Variants in AGBL1 observed in about 807,000 individuals in gnomAD.
AGBL1 encodes cytosolic carboxypeptidase 4.
Under a neutral mutation model 118.9 loss-of-function variants are expected in AGBL1, and 130 were observed. The observed-to-expected ratio is 1.09, with a 90% CI of 0.95 to 1.26. The LOEUF is 1.26. Among genes scored for constraint, AGBL1 ranks in the 50% most tolerant of loss-of-function variants. The pLI, the probability that AGBL1 is intolerant of heterozygous loss-of-function variation, is 0.00. For missense variants in AGBL1, 1,584 were observed against 1,298.1 expected (o/e 1.22, Z -3.38); for synonymous variants, 555 against 478.9 (o/e 1.16, Z -2.08).
At chr15:86,834,868 G>A (rs1402894374) in intron 22 of AGBL1, among the ~76,000 whole-genome samples, 1 of 152,094 alleles carries the variant, frequency 6.6e-6, no homozygotes, top group East Asian at 1.9e-4. Flanking sequence ...AATTTCCTTT[G>A]GGGAAAACCT....
chr15:86,688,547 G>C (rs1368398387), intron 22 of AGBL1, among the ~76,000 whole-genome samples: 1 of 152,088 alleles, frequency 6.6e-6, no homozygotes, highest in Non-Finnish European at 1.5e-5. Context: ...CCGAATATAC[G>C]CAAGTGAGTG....
At chr15:86,276,720 A>G (rs1419156572) in intron 15 of AGBL1, among the ~76,000 whole-genome samples, 3 of 152,116 alleles carry the variant, frequency 2.0e-5, no homozygotes, top group Non-Finnish European at 2.9e-5. Context: ...AATAAGGAAG[A>G]TGGAAAGGGC....
chr15:86,485,535 T>TA (rs1357968174), intron 18 of AGBL1, among the ~76,000 whole-genome samples: 2 of 151,994 alleles, frequency 1.3e-5, no homozygotes, highest in Non-Finnish European at 2.9e-5. Flanking sequence ...AGACAATAAC[T>TA]AAAAAAATGG....
At chr15:86,803,746 T>C (rs137953985) in intron 22 of AGBL1, among the ~76,000 whole-genome samples, 7 of 152,252 alleles carry the variant, frequency 4.6e-5, no homozygotes, top group African/African-American at 1.7e-4. Flanking sequence ...AGTGCAGTGG[T>C]CCTCAACCAG....
chr15:86,321,645 C>T (rs1343035426), intron 17 of AGBL1, among the ~76,000 whole-genome samples: 3 of 151,700 alleles, frequency 2.0e-5, no homozygotes, highest in African/African-American at 7.3e-5. Context: ...AGCATGGTGG[C>T]GGATGCCTGT....
intron 19 of AGBL1, among the ~76,000 whole-genome samples, chr15:86,534,278 A>G (rs115121192): frequency 0.023 from 3,448 of 152,278 alleles, 68 homozygotes; most frequent in Middle Eastern, 0.085. Context: ...TGAAGGGTTG[A>G]GTCATTTTCT....
intron 21 of AGBL1, among the ~76,000 whole-genome samples, chr15:86,660,863 C>T (rs1237908283): frequency 6.6e-6 from 1 of 152,088 alleles, no homozygotes; most frequent in East Asian, 1.9e-4. Flanking sequence ...GTCTCTCCTT[C>T]TCCAAAGTAT....
At chr15:86,277,069 G>C (rs1336185333) in intron 15 of AGBL1, among the ~76,000 whole-genome samples, 2 of 152,086 alleles carry the variant, frequency 1.3e-5, no homozygotes, top group African/African-American at 2.4e-5. Context: ...GGTTCAGCCA[G>C]AGTTTAGACC....
intron 6 of AGBL1, among the ~76,000 whole-genome samples, chr15:86,242,005 C>A (rs1399661897): frequency 6.6e-6 from 1 of 152,116 alleles, no homozygotes; most frequent in African/African-American, 2.4e-5. Context: ...CCATGCTGTT[C>A]TTATGATAGT....
At chr15:86,826,039 A>G (rs960720752) in intron 22 of AGBL1, among the ~76,000 whole-genome samples, 13 of 151,748 alleles carry the variant, frequency 8.6e-5, no homozygotes, top group African/African-American at 3.1e-4. Flanking sequence ...CTTCTTGCAA[A>G]AAAAAAATAT....
intron 22 of AGBL1, among the ~76,000 whole-genome samples, chr15:86,773,992 G>A (rs188103718): frequency 2.2e-4 from 33 of 152,134 alleles, no homozygotes; most frequent in East Asian, 1.9e-3. Context: ...TGTGGGTGTC[G>A]GCAAGCCCCA....
chr15:87,018,554 CA>C (rs2081630774), intron 24 of AGBL1, among the ~76,000 whole-genome samples: 1 of 152,090 alleles, frequency 6.6e-6, no homozygotes, highest in Non-Finnish European at 1.5e-5. Flanking sequence ...TTTGGACAAG[CA>C]AATGCTGGAG....
chr15:87,000,269 TG>T (rs1219215085), intron 24 of AGBL1, among the ~76,000 whole-genome samples: 1 of 70,090 alleles, frequency 1.4e-5, no homozygotes, highest in Non-Finnish European at 3.5e-5. Flanking sequence ...TGGTTGCCAT[TG>T]CTTTTGGTGT....
chr15:86,322,382 G>A (rs904544680), intron 17 of AGBL1, among the ~76,000 whole-genome samples: 1 of 151,808 alleles, frequency 6.6e-6, no homozygotes, highest in Non-Finnish European at 1.5e-5. Context: ...CTAATTAATT[G>A]TAACATTGAT....
intron 5 of AGBL1, among the ~76,000 whole-genome samples, chr15:86,214,635 C>G (rs1398038291): frequency 6.6e-6 from 1 of 152,216 alleles, no homozygotes; most frequent in Non-Finnish European, 1.5e-5. Context: ...CTCCTTTCCC[C>G]TCAGACATTA....
intron 22 of AGBL1, among the ~76,000 whole-genome samples, chr15:86,688,547 G>T (rs1368398387): frequency 6.6e-6 from 1 of 152,088 alleles, no homozygotes; most frequent in Non-Finnish European, 1.5e-5. Flanking sequence ...CCGAATATAC[G>T]CAAGTGAGTG....
At chr15:86,601,968 A>T (rs1218345037) in intron 21 of AGBL1, among the ~76,000 whole-genome samples, 1 of 152,172 alleles carries the variant, frequency 6.6e-6, no homozygotes, top group Non-Finnish European at 1.5e-5. Context: ...CTGGACAAGC[A>T]AAATTTATGA....
intron 21 of AGBL1, among the ~76,000 whole-genome samples, chr15:86,648,276 G>A (rs1275376153): frequency 6.6e-6 from 1 of 152,150 alleles, no homozygotes; most frequent in Non-Finnish European, 1.5e-5. Flanking sequence ...TTCTCAGTGA[G>A]GGCTAGTGAT....
At chr15:86,523,636 A>T (rs11636518) in intron 19 of AGBL1, among the ~76,000 whole-genome samples, 103,569 of 152,038 alleles carry the variant, frequency 0.68, 37,246 homozygotes, top group African/African-American at 0.93. Flanking sequence ...TTGCATAAGA[A>T]AGAAAATGTA....
Sources: allele counts gnomAD v4.1 joint callset (sites outside exome capture counted in the v4.1 genomes callset), GRCh38; gene constraint gnomAD v4.1.1; transcripts MANE v1.5; gene names NCBI Gene and HGNC (gene_info 2026-07-23, HGNC 2026-07-21).